The following SLC39A8 variants were observed in gnomAD, a reference collection of about 807,000 sequenced individuals.
SLC39A8 encodes solute carrier family 39 member 8.
SLC39A8 carries 15 observed loss-of-function variants against 40.4 expected under a neutral mutation model. That is an observed-to-expected ratio of 0.37 (90% CI 0.25 to 0.57). The LOEUF is 0.57. Among genes scored for constraint, SLC39A8 ranks in the 20% least tolerant of loss-of-function variants. SLC39A8 has a pLI of 0.75. For missense variants in SLC39A8, 472 were observed against 558.8 expected (o/e 0.84, Z 1.57); for synonymous variants, 223 against 221.6 (o/e 1.01, Z -0.06).
intron 2 of SLC39A8, among the ~76,000 whole-genome samples, chr4:102,320,394 G>GTATATATATATGAGAA (rs1734890595): frequency 1.2e-5 from 1 of 82,052 alleles, no homozygotes; most frequent in African/African-American, 5.6e-5. Flanking sequence ...ATATATATGA[G>GTATATATATATGAGAA]TATATATATA....
intron 2 of SLC39A8, among the ~76,000 whole-genome samples, chr4:102,343,342 T>G (rs1736023625): frequency 6.6e-6 from 1 of 152,184 alleles, no homozygotes; most frequent in Non-Finnish European, 1.5e-5. Context: ...TTTCCCTAAC[T>G]GTAATCTAAA....
chr4:102,276,030 G>C (rs1732602963), intron 6 of SLC39A8, among the ~76,000 whole-genome samples: 1 of 152,182 alleles, frequency 6.6e-6, no homozygotes, highest in Non-Finnish European at 1.5e-5. Flanking sequence ...ACAGGAGAAA[G>C]TGGAAAAGAT....
chr4:102,261,110 G>T (rs1217519162), downstream of SLC39A8, among the ~76,000 whole-genome samples: 5 of 148,268 alleles, frequency 3.4e-5, no homozygotes, highest in African/African-American at 1.3e-4. Context: ...CAGTGAGAAA[G>T]AAGCTGTAGT....
intron 6 of SLC39A8, among the ~76,000 whole-genome samples, chr4:102,301,298 G>C (rs1391669823): frequency 3.3e-5 from 5 of 152,002 alleles, no homozygotes; most frequent in Admixed American, 1.3e-4. Flanking sequence ...TGTGTGACCT[G>C]TTTGATTATT....
intron 6 of SLC39A8, among the ~76,000 whole-genome samples, chr4:102,292,111 G>A (rs1164570442): frequency 6.6e-6 from 1 of 151,912 alleles, no homozygotes; most frequent in Non-Finnish European, 1.5e-5. Context: ...ATAAGATTTA[G>A]AGCTCTATTA....
chr4:102,262,355 T>G lies in SLC39A8; in HGVS notation c.*689A>C. On this transcript the variant is annotated 3_prime_UTR_variant, in exon 9 of 9. Coordinates refer to ENST00000356736, the MANE Select transcript of SLC39A8 (RefSeq NM_001135146.2). ...AGAAAAAAAGCTATCCAGCTTTTCG[T>G]GGAATCTGGTGAAGTTTATACTTAG... 1.0e-6 allele frequency: 1 copy of G among 985,540 alleles called. No homozygotes were observed. Among genetic ancestry groups the G allele is most frequent in the Non-Finnish European group, 1.2e-6 (1 of 829,926 alleles). 61.0% of individuals were successfully genotyped at this position (985,540 alleles called of 1,614,324 possible). A position where few individuals can be genotyped will look rare whatever the true frequency, so the allele number is the denominator to read the frequency against.
chr4:102,322,652 C>T (rs1312892112), intron 2 of SLC39A8, among the ~76,000 whole-genome samples: 2 of 152,156 alleles, frequency 1.3e-5, no homozygotes, highest in African/African-American at 4.8e-5. Context: ...AAGGCCTTCA[C>T]ATCACACCAG....
chr4:102,335,951 T>G (rs1488459873), intron 2 of SLC39A8, among the ~76,000 whole-genome samples: 1 of 152,184 alleles, frequency 6.6e-6, no homozygotes, highest in Non-Finnish European at 1.5e-5. Flanking sequence ...AGATCATCAA[T>G]GGAAGACAAT....
At chr4:102,285,055 ATTAAGCACT>A (rs1351480000) in intron 6 of SLC39A8, among the ~76,000 whole-genome samples, 4 of 152,210 alleles carry the variant, frequency 2.6e-5, no homozygotes, top group South Asian at 2.1e-4. Flanking sequence ...AGTCATGTTC[ATTAAGCACT>A]TTGATATTCC....
chr4:102,323,543 G>A (rs1735054149), intron 2 of SLC39A8, among the ~76,000 whole-genome samples: 2 of 152,174 alleles, frequency 1.3e-5, no homozygotes, highest in Non-Finnish European at 1.5e-5. Context: ...CAATTAGTTG[G>A]TGAATAAATT....
At chr4:102,320,338 GTATA>G (rs1351850082) in intron 2 of SLC39A8, among the ~76,000 whole-genome samples, 1 of 121,042 alleles carries the variant, frequency 8.3e-6, no homozygotes, top group Non-Finnish European at 1.7e-5. Flanking sequence ...GTATATATGA[GTATA>G]TATATATGAG....
chr4:102,300,619 G>A (rs1466321430), intron 6 of SLC39A8, among the ~76,000 whole-genome samples: 2 of 151,824 alleles, frequency 1.3e-5, no homozygotes, highest in Non-Finnish European at 1.5e-5. Flanking sequence ...GTAATTTTTA[G>A]AGAGTTCCTT....
intron 2 of SLC39A8, among the ~76,000 whole-genome samples, chr4:102,337,627 C>CA (rs1735732753): frequency 3.9e-5 from 6 of 152,214 alleles, no homozygotes; most frequent in Admixed American, 3.3e-4. Context: ...CACCTATGCA[C>CA]AAACCACTTT....
chr4:102,270,708 C>T (rs1366289354), intron 6 of SLC39A8, among the ~76,000 whole-genome samples: 3 of 151,940 alleles, frequency 2.0e-5, no homozygotes, highest in East Asian at 1.9e-4. Context: ...GAAGAATTAC[C>T]GTGTAATCTT....
intron 6 of SLC39A8, among the ~76,000 whole-genome samples, chr4:102,281,447 A>G (rs894856828): frequency 2.6e-5 from 4 of 152,162 alleles, no homozygotes; most frequent in Non-Finnish European, 5.9e-5. Context: ...TCAAGATCCC[A>G]CTCAATATAC....
At position 102,268,014 on chromosome 4, in the gene SLC39A8, C is replaced by T. The variant is rs1170666368; in HGVS notation, c.906G>A (p.Thr302=). 1.2e-6 allele frequency: 2 copies of T among 1,614,098 alleles called. No individual in the cohort carries two copies. Among genetic ancestry groups the T allele is most frequent in the East Asian group, 2.2e-5 (1 of 44,892 alleles). The change falls in exon 7 of 9, where the codon ACG becomes ACA. Residue 302 remains threonine (T), a synonymous_variant. Coordinates refer to ENST00000356736, the MANE Select transcript of SLC39A8 (RefSeq NM_001135146.2). Reference sequence around the variant, plus strand: ...CGCAGAGCGTTATCATCCAGGCAATCGTCCCTATTTCTGACAGTTTGGGCC... The same window carrying T: ...CGCAGAGCGTTATCATCCAGGCAATTGTCCCTATTTCTGACAGTTTGGGCC... ...LKGPKLSEIG[T]IAWMITLCDA...
chr4:102,274,752 T>G (rs1732538003), intron 6 of SLC39A8, among the ~76,000 whole-genome samples: 1 of 152,196 alleles, frequency 6.6e-6, no homozygotes, highest in Non-Finnish European at 1.5e-5. Flanking sequence ...ACAGCGGCTC[T>G]CTCTACAGAA....
At chr4:102,265,361 G>C in intron 8 of SLC39A8, among the ~76,000 whole-genome samples, 1 of 152,126 alleles carries the variant, frequency 6.6e-6, no homozygotes, top group East Asian at 1.9e-4. Flanking sequence ...TGTCAATTAA[G>C]TTCACCATTT....
At chr4:102,342,018 T>C (rs147671926) in intron 2 of SLC39A8, among the ~76,000 whole-genome samples, 1 of 152,294 alleles carries the variant, frequency 6.6e-6, no homozygotes, top group East Asian at 1.9e-4. Context: ...AAACTGAAGT[T>C]GTATTCCTCA....
Sources: allele counts gnomAD v4.1 joint callset (sites outside exome capture counted in the v4.1 genomes callset), GRCh38; gene constraint gnomAD v4.1.1; transcripts MANE v1.5; gene names NCBI Gene and HGNC (gene_info 2026-07-23, HGNC 2026-07-21).